PRPF6: variants seen among roughly 807,000 people sequenced by gnomAD.
PRPF6 encodes pre-mRNA processing factor 6.
In PRPF6, 42 loss-of-function variants were observed where a neutral mutation model predicts 118.3. That is an observed-to-expected ratio of 0.35 (90% CI 0.28 to 0.46). PRPF6 has a LOEUF of 0.46. Ranked by LOEUF, PRPF6 falls within the 20% of genes least tolerant of loss-of-function variation. The pLI is 1.00. For synonymous variants in PRPF6, 481 were observed against 485.1 expected (o/e 0.99, Z 0.11); for missense variants, 662 against 1,255.7 (o/e 0.53, Z 7.15).
chr20:63,997,960 G>A (rs780759644), intron 6 of PRPF6, among the ~76,000 whole-genome samples: 3 of 152,146 alleles, frequency 2.0e-5, no homozygotes, highest in Admixed American at 6.5e-5. Flanking sequence ...GACCGCATTC[G>A]CTGACCTGTT....
intron 3 of PRPF6, among the ~76,000 whole-genome samples, chr20:63,987,981 G>A (rs1272855237): frequency 1.3e-5 from 2 of 152,008 alleles, no homozygotes; most frequent in East Asian, 1.9e-4. Context: ...TCAGGAGTTC[G>A]AGACCAGCCT....
intron 9 of PRPF6, among the ~76,000 whole-genome samples, chr20:64,009,653 C>A (rs568339903): frequency 6.6e-6 from 1 of 152,130 alleles, no homozygotes; most frequent in Non-Finnish European, 1.5e-5. Context: ...ACCCAGGAAG[C>A]GGAGGTAGCA....
At chr20:63,989,026 T>A (rs1300954164) in intron 3 of PRPF6, among the ~76,000 whole-genome samples, 2 of 152,082 alleles carry the variant, frequency 1.3e-5, no homozygotes, top group Non-Finnish European at 2.9e-5. Flanking sequence ...AACAGCATAG[T>A]ACTGGCAGAA....
Position 63,981,380 on chromosome 20 carries a change from G to C in PRPF6, c.71+64G>C, listed in dbSNP as rs967420333. The C allele has an allele frequency of 8.9e-6, 13 of 1,465,986 alleles. No individual in the cohort carries two copies. The African/African-American group carries it at 1.7e-4, about 19-fold the overall frequency. 90.8% of individuals were successfully genotyped at this position (1,465,986 alleles called of 1,614,324 possible). On this transcript the variant is annotated intron_variant, in intron 1 of 20. Transcript: ENST00000266079. ...CTACAGGAGCGCAGTGCTTTGGGGC[G>C]TGTTTGGGGGCGGGGGTCTATGGCC... is the stretch of plus-strand genomic sequence containing the variant.
At chr20:64,005,037 G>T (rs943182872) in intron 9 of PRPF6, among the ~76,000 whole-genome samples, 2 of 152,156 alleles carry the variant, frequency 1.3e-5, no homozygotes, top group Non-Finnish European at 2.9e-5. Context: ...CGTCTTCATG[G>T]CTGTGTCTAG....
intron 6 of PRPF6, among the ~76,000 whole-genome samples, chr20:63,998,202 C>G (rs184343181): frequency 6.6e-6 from 1 of 151,870 alleles, no homozygotes; most frequent in South Asian, 2.1e-4. Context: ...TCATGTGATT[C>G]TCCTGCCTCA....
chr20:63,999,521 G>A (rs1242782374), intron 7 of PRPF6, 82 bp from the exon 8 acceptor site: 6 of 1,549,692 alleles, frequency 3.9e-6, no homozygotes, highest in East Asian at 2.2e-5. Flanking sequence ...CATTGTGACT[G>A]TGAAGTGGGT....
chr20:63,999,681 A>C lies in PRPF6; in HGVS notation c.945A>C (p.Ser315=). Residue 315 remains serine (S), a synonymous_variant, in exon 8 of 21, where the codon TCA becomes TCC. Coordinates refer to ENST00000266079, the MANE Select transcript of PRPF6 (RefSeq NM_012469.4). ...NPHHPPAWIA[S]ARLEEVTGKL... is the part of the protein sequence containing the mutation. Reference sequence around the variant, plus strand: ...ATCACCCGCCAGCCTGGATTGCATCAGCCCGCCTGGAAGAAGTCACTGGGA... The same window carrying C: ...ATCACCCGCCAGCCTGGATTGCATCCGCCCGCCTGGAAGAAGTCACTGGGA... 1 of 1,614,178 alleles carries C rather than the reference A, an allele frequency of 6.2e-7. No homozygotes were observed. Among genetic ancestry groups the C allele is most frequent in the African/African-American group, 1.3e-5 (1 of 75,052 alleles).
At chr20:63,999,789 G>A (rs367986009) in intron 8 of PRPF6, 30 bp downstream of exon 8, 134 of 1,612,378 alleles carry the variant, frequency 8.3e-5, no homozygotes, top group Non-Finnish European at 1.1e-4. Flanking sequence ...GCGTTTCCTG[G>A]GAGGCTGCGT....
chr20:63,993,694 A>G (rs2059128792), intron 4 of PRPF6, among the ~76,000 whole-genome samples: 1 of 151,884 alleles, frequency 6.6e-6, no homozygotes, highest in African/African-American at 2.4e-5. Flanking sequence ...GGTAGGACAA[A>G]TGAACTTATT....
chr20:64,013,882 TGTGTCC>T (rs1325798379), intron 11 of PRPF6, among the ~76,000 whole-genome samples: 1 of 152,210 alleles, frequency 6.6e-6, no homozygotes, highest in Non-Finnish European at 1.5e-5. Flanking sequence ...AAAGAAATCC[TGTGTCC>T]GTGAGTTGTT....
rs61077852 is a variant in PRPF6, at chr20:63,993,226, ATGTGTGTGTGTGTGTGTGTG to A, written c.360-163_360-144del. On this transcript the variant is annotated intron_variant, in intron 3 of 20. Transcript: ENST00000266079. ...GCAAGACTCCATCTCAAAAAAAAAA[ATGTGTGTGTGTGTGTGTGTG>A]TGTGTGTGTGTGTGTGTATATGTAT... Among the ~76,000 whole-genome samples the A allele has an allele frequency of 2.2e-3, 288 of 129,330 alleles. 2 individuals are homozygous for A. The highest frequency in any genetic ancestry group is 7.8e-3 in the African/African-American group (266 of 34,038). The allele number at this position is 129,330 out of a possible 152,430, so 84.8% of individuals were successfully genotyped here.
chr20:63,986,489 CTTTTT>C (rs759745026), intron 3 of PRPF6, among the ~76,000 whole-genome samples: 1 of 138,648 alleles, frequency 7.2e-6, no homozygotes, highest in Admixed American at 7.3e-5. Context: ...ACCATATGAT[CTTTTT>C]TTTTTTTTTT....
chr20:63,987,186 A>G (rs1014279837), intron 3 of PRPF6, among the ~76,000 whole-genome samples: 1 of 145,230 alleles, frequency 6.9e-6, no homozygotes, highest in Non-Finnish European at 1.5e-5. Context: ...AAAAAAAAAA[A>G]AAAGGGGGGG....
chr20:64,018,108 A>G (rs565831595), intron 12 of PRPF6, among the ~76,000 whole-genome samples: 1 of 152,256 alleles, frequency 6.6e-6, no homozygotes, highest in East Asian at 1.9e-4. Flanking sequence ...AGGTGGGAGG[A>G]TCACTTGAGC....
chr20:63,995,012 C>A lies in PRPF6; in HGVS notation c.535C>A (p.Leu179Met). The change falls in exon 5 of 21, where the codon CTG becomes ATG. Residue 179 changes from leucine (L) to methionine (M), a missense_variant. Physicochemically the swap from Leu to Met is conservative, Grantham distance 15 (BLOSUM62 2). Coordinates refer to ENST00000266079, the MANE Select transcript of PRPF6 (RefSeq NM_012469.4). ...KRQRNPRYEK[L>M]TPVPDSFFAK... ...TCAGCGGAACCCACGCTATGAGAAG[C>A]TGACCCCTGTTCCTGACAGTTTCTT... is the stretch of plus-strand genomic sequence containing the variant. 1 of 1,614,224 alleles carries A rather than the reference C, an allele frequency of 6.2e-7. No individual in the cohort carries two copies. Among genetic ancestry groups the A allele is most frequent in the Non-Finnish European group, 8.5e-7 (1 of 1,180,042 alleles).
At chr20:64,021,219 G>A (rs1183767051) in intron 12 of PRPF6, among the ~76,000 whole-genome samples, 15 of 150,934 alleles carry the variant, frequency 9.9e-5, no homozygotes, top group Admixed American at 1.3e-4. Flanking sequence ...CATATGGCTC[G>A]GCCACAGCCC....
intron 11 of PRPF6, among the ~76,000 whole-genome samples, chr20:64,015,745 C>T (rs1238966422): frequency 1.3e-5 from 2 of 152,220 alleles, no homozygotes; most frequent in Non-Finnish European, 2.9e-5. Context: ...ATGCCCCCTT[C>T]ACCAAGTGAG....
In PRPF6 at chr20:64,026,876, C is replaced by A; in HGVS notation, c.2029-106C>A. The A allele has an allele frequency of 8.3e-7, 1 of 1,205,772 alleles. No individual in the cohort carries two copies. Among genetic ancestry groups the A allele is most frequent in the Non-Finnish European group, 1.2e-6 (1 of 815,954 alleles). The allele number at this position is 1,205,772 out of a possible 1,614,324, so 74.7% of individuals were successfully genotyped here. A position where few individuals can be genotyped will look rare whatever the true frequency, so the allele number is the denominator to read the frequency against. On this transcript the variant is annotated intron_variant, in intron 15 of 20. Transcript: ENST00000266079. This position sits in a 1 kb window ranked among gnomAD's most constrained non-coding sequence, Gnocchi z 4.4. ...ACACAAACAGGCTATGAAAAGCTTA[C>A]AAAAGTACACACAGTACTGCAGGTA...
Sources: allele counts gnomAD v4.1 joint callset (sites outside exome capture counted in the v4.1 genomes callset), GRCh38; gene constraint gnomAD v4.1.1; non-coding constraint Gnocchi (gnomAD v3.1); transcripts MANE v1.5; gene names NCBI Gene and HGNC (gene_info 2026-07-23, HGNC 2026-07-21).